The following ADCK1 variants were observed in gnomAD, a reference collection of about 807,000 sequenced individuals.
The protein encoded by ADCK1 is aarF domain containing kinase 1.
ADCK1 carries 41 observed loss-of-function variants against 52.3 expected under a neutral mutation model. That is an observed-to-expected ratio of 0.78 (90% CI 0.61 to 1.02). The LOEUF is 1.02. ADCK1 is among the 50% of genes least tolerant of loss of function. The probability of loss-of-function intolerance (pLI) is 0.00; values close to 1 mark genes in which losing one functional copy is unlikely to be tolerated. For missense variants in ADCK1, 658 were observed against 679.5 expected, an observed-to-expected ratio of 0.97 and a Z score of 0.35; for synonymous variants, 250 against 274.6, an observed-to-expected ratio of 0.91 and a Z score of 0.89.
rs2084413311 is a variant in ADCK1, at chr14:77,934,694, C to CGGACAGTAA, written c.*1304_*1312dup. On this transcript the variant is annotated 3_prime_UTR_variant, in exon 11 of 11. Transcript: ENST00000238561. ...TGGCAGGTCCTACTGTCTGCTTTCA[C>CGGACAGTAA]GGACAGTAATTGTATTTGAGCCTCT... 1 of 152,178 alleles carries CGGACAGTAA rather than the reference C, an allele frequency of 6.6e-6. No individual in the cohort carries two copies. The highest frequency in any genetic ancestry group is 1.5e-5 in the Non-Finnish European group (1 of 68,054). 9.4% of individuals were successfully genotyped at this position (152,178 alleles called of 1,614,324 possible).
At chr14:77,920,694 G>A (rs925187952) in intron 7 of ADCK1, among the ~76,000 whole-genome samples, 2 of 152,082 alleles carry the variant, frequency 1.3e-5, no homozygotes, top group African/African-American at 4.8e-5. Context: ...TATCACCCAG[G>A]CTGGAGTACA....
rs543732790 is a variant in ADCK1 at position 77,921,279 on chromosome 14, A to T, written c.859-3178A>T. Among the ~76,000 whole-genome samples, 43 of 133,544 alleles carry T rather than the reference A, an allele frequency of 3.2e-4. 1 individual carries two copies. Among genetic ancestry groups the T allele is most frequent in the African/African-American group, 1.2e-3 (42 of 35,956 alleles). The allele number at this position is 133,544 out of a possible 152,430, so 87.6% of individuals were successfully genotyped here. ...GAGGCGGAGCTTGCAGTGAGCCGAG[A>T]TCGGGCCACTGCATTCCAGCCTGGG... On this transcript the variant is annotated intron_variant, in intron 7 of 10. Transcript: ENST00000238561.
At chr14:77,908,232 A>C in intron 7 of ADCK1, 1 of 201,302 alleles carries the variant, frequency 5.0e-6, no homozygotes, top group East Asian at 1.3e-4. Context: ...GTGGGACTTA[A>C]TCCTTTTGGC....
chr14:77,801,471 G>A (rs1310123686), intron 1 of ADCK1, among the ~76,000 whole-genome samples: 1 of 152,118 alleles, frequency 6.6e-6, no homozygotes. Context: ...TTTTAATGTA[G>A]TCTATACTTG....
chr14:77,839,134 A>T (rs1398571620), intron 3 of ADCK1, among the ~76,000 whole-genome samples: 1 of 152,176 alleles, frequency 6.6e-6, no homozygotes, highest in South Asian at 2.1e-4. Flanking sequence ...AAATGTAGTC[A>T]TGGGATAAAG....
Position 77,899,266 on chromosome 14 carries a change from G to A in ADCK1, c.741+8G>A. 2 of 1,613,958 alleles carry A rather than the reference G, an allele frequency of 1.2e-6. No individual in the cohort carries two copies. The highest frequency in any genetic ancestry group is 1.7e-6 in the Non-Finnish European group (2 of 1,179,922). ...CATTTTGACTTCTTGAAGGTAGGTG[G>A]GACGATGCAATGCAGGGTATGGTGG... is the stretch of plus-strand genomic sequence containing the variant. On this transcript the variant is annotated splice_region_variant and intron_variant, in intron 6 of 10. Coordinates refer to ENST00000238561, the MANE Select transcript of ADCK1 (RefSeq NM_020421.4).
intron 4 of ADCK1, among the ~76,000 whole-genome samples, chr14:77,883,194 C>T (rs893761195): frequency 1.1e-4 from 16 of 151,884 alleles, no homozygotes; most frequent in Non-Finnish European, 1.5e-4. Context: ...CTGATTTTGC[C>T]GCTAGACCCA....
At chr14:77,841,148 A>G (rs1288981847) in intron 3 of ADCK1, among the ~76,000 whole-genome samples, 1 of 152,196 alleles carries the variant, frequency 6.6e-6, no homozygotes, top group African/African-American at 2.4e-5. Flanking sequence ...ATGCCCTTGA[A>G]GCCAGCCCTG....
In ADCK1 at chr14:77,905,699, AG is replaced by A. The variant is rs1273392168; in HGVS notation, c.742-2103del. The stretch of plus-strand genomic sequence containing the variant: ...CACGGTGGCTCACGCCTGTAATCCC[AG>A]CACTTTGAGAGGCTGAGGCAGGAGG... On this transcript the variant is annotated intron_variant, in intron 6 of 10. Transcript: ENST00000238561. 2.0e-5 allele frequency among the ~76,000 whole-genome samples: 3 copies of A among 152,224 alleles called. No homozygotes were observed. In the South Asian group the frequency reaches 6.2e-4, roughly 32 times the overall value.
At chr14:77,924,360 C>T in intron 7 of ADCK1, 97 bp from the exon 8 acceptor site, 1 of 1,489,244 alleles carries the variant, frequency 6.7e-7, no homozygotes, top group Non-Finnish European at 9.0e-7. Flanking sequence ...TTTTCTCTGG[C>T]CTCCCCTTAA....
intron 1 of ADCK1, 52 bp from the exon 2 acceptor site, chr14:77,818,916 A>G: frequency 1.9e-6 from 3 of 1,591,220 alleles, no homozygotes; most frequent in South Asian, 1.1e-5. Context: ...CAGTTTGACT[A>G]ACTATGAAAC....
chr14:77,928,362 G>T (rs1378936675), intron 9 of ADCK1, among the ~76,000 whole-genome samples: 1 of 152,140 alleles, frequency 6.6e-6, no homozygotes, highest in Non-Finnish European at 1.5e-5. Flanking sequence ...AGTCTTCAGG[G>T]TAAGGTGATA....
chr14:77,863,776 G>T (rs755481824), intron 4 of ADCK1, among the ~76,000 whole-genome samples: 15 of 152,066 alleles, frequency 9.9e-5, no homozygotes, highest in Non-Finnish European at 2.1e-4. Flanking sequence ...GGCGGAGGTT[G>T]CAGTGAGCTG....
At chr14:77,913,882 A>G (rs1370766955) in intron 7 of ADCK1, among the ~76,000 whole-genome samples, 1 of 151,704 alleles carries the variant, frequency 6.6e-6, no homozygotes, top group Non-Finnish European at 1.5e-5. Flanking sequence ...AGAGCTCCTC[A>G]GTGGTCATTA....
intron 5 of ADCK1, among the ~76,000 whole-genome samples, chr14:77,890,972 G>A (rs1386411909): frequency 6.6e-6 from 1 of 152,176 alleles, no homozygotes; most frequent in Non-Finnish European, 1.5e-5. Flanking sequence ...TCAAGCGACT[G>A]GGAATGAAGA....
Position 77,926,365 on chromosome 14 carries a change from G to A in ADCK1, c.1206+404G>A, listed in dbSNP as rs147037849. Among the ~76,000 whole-genome samples the A allele has an allele frequency of 3.3e-3, 508 of 152,312 alleles. 4 individuals are homozygous for A. Among genetic ancestry groups the A allele is most frequent in the African/African-American group, 0.011 (456 of 41,572 alleles). On this transcript the variant is annotated intron_variant, in intron 9 of 10. Coordinates refer to ENST00000238561, the MANE Select transcript of ADCK1 (RefSeq NM_020421.4). ...TCTGGCAGTACTTCTGCTGTGTCCT[G>A]CCTGGCACTGTCTCCCATCACATGG... is the stretch of plus-strand genomic sequence containing the variant.
At chr14:77,886,279 T>C (rs951630509) in intron 4 of ADCK1, among the ~76,000 whole-genome samples, 2 of 152,232 alleles carry the variant, frequency 1.3e-5, no homozygotes, top group Admixed American at 1.3e-4. Context: ...GTTGGTAGAA[T>C]GGAAACATCC....
intron 9 of ADCK1, among the ~76,000 whole-genome samples, chr14:77,926,779 C>G (rs1446518857): frequency 3.3e-5 from 5 of 152,192 alleles, no homozygotes; most frequent in Non-Finnish European, 7.3e-5. Flanking sequence ...GGCTGGGAGA[C>G]ACATCGGGAG....
intron 1 of ADCK1, among the ~76,000 whole-genome samples, chr14:77,802,573 C>G (rs2081133419): frequency 6.6e-6 from 1 of 151,276 alleles, no homozygotes; most frequent in African/African-American, 2.4e-5. Flanking sequence ...GCTTCAGCCT[C>G]CCGGGATTCC....
Sources: gnomAD v4.1 joint callset for allele counts (sites outside exome capture counted in the v4.1 genomes callset) on GRCh38, gnomAD v4.1.1 for gene constraint, MANE v1.5 for transcripts, NCBI Gene and HGNC (gene_info 2026-07-23, HGNC 2026-07-21) for gene names.